Variants in LDB2 observed in about 807,000 individuals in gnomAD.
LDB2 encodes the protein LIM domain-binding protein 2.
In LDB2, 12 loss-of-function variants were observed where a neutral mutation model predicts 44.3. The observed-to-expected ratio is 0.27, with a 90% CI of 0.17 to 0.44. The LOEUF (loss-of-function observed/expected upper bound fraction) is 0.44. Among genes scored for constraint, LDB2 ranks in the 20% least tolerant of loss-of-function variants. LDB2 has a pLI of 1.00. For missense variants in LDB2, 344 were observed against 473.5 expected (o/e 0.73, Z 2.54); for synonymous variants, 164 against 174.8 (o/e 0.94, Z 0.49).
chr4:16,692,495 G>A (rs1159876050), intron 2 of LDB2, among the ~76,000 whole-genome samples: 1 of 152,094 alleles, frequency 6.6e-6, no homozygotes, highest in Non-Finnish European at 1.5e-5. Flanking sequence ...CTGGTGCCCT[G>A]AACATGTAAT....
At position 16,533,160 on chromosome 4, in the gene LDB2, A is replaced by C. The variant is rs1295668438; in HGVS notation, c.616-21056T>G. On this transcript the variant is annotated intron_variant, in intron 5 of 7. Coordinates refer to ENST00000304523, the MANE Select transcript of LDB2 (RefSeq NM_001290.5). This position sits in a 1 kb window ranked among gnomAD's most constrained non-coding sequence, Gnocchi z 4.1. Reference sequence around the variant, plus strand: ...GCTTGTTACCCTAGATGGAAGAGTCACTGGCCTGAGCCTGAAGGAAACTAG... The same window carrying C: ...GCTTGTTACCCTAGATGGAAGAGTCCCTGGCCTGAGCCTGAAGGAAACTAG... Among the ~76,000 whole-genome samples, 2 of 152,158 alleles carry C rather than the reference A, an allele frequency of 1.3e-5. No individual in the cohort carries two copies. The highest frequency in any genetic ancestry group is 3.9e-4 in the East Asian group (2 of 5,188).
At chr4:16,829,533 C>T (rs1783682252) in intron 1 of LDB2, among the ~76,000 whole-genome samples, 2 of 152,030 alleles carry the variant, frequency 1.3e-5, no homozygotes, top group African/African-American at 4.8e-5. Context: ...TATAATAGAT[C>T]TGGGTTTGAA....
intron 1 of LDB2, among the ~76,000 whole-genome samples, chr4:16,857,524 T>C (rs1789593510): frequency 1.3e-5 from 2 of 152,162 alleles, no homozygotes; most frequent in Non-Finnish European, 2.9e-5. Flanking sequence ...ATCACAAGTG[T>C]TCACCACAGC....
intron 1 of LDB2, among the ~76,000 whole-genome samples, chr4:16,866,446 TAAATC>T (rs1561483942): frequency 6.6e-6 from 1 of 152,132 alleles, no homozygotes; most frequent in African/African-American, 2.4e-5. Context: ...ATCAAATAAA[TAAATC>T]AAAGAATTTT....
At chr4:16,640,092 G>C (rs1268311789) in intron 2 of LDB2, among the ~76,000 whole-genome samples, 3 of 152,142 alleles carry the variant, frequency 2.0e-5, no homozygotes, top group East Asian at 3.8e-4. Flanking sequence ...CTTTCTACAT[G>C]TTTGAAGCAC....
intron 1 of LDB2, among the ~76,000 whole-genome samples, chr4:16,804,255 T>C (rs886138458): frequency 1.3e-5 from 2 of 152,160 alleles, no homozygotes; most frequent in Non-Finnish European, 2.9e-5. Context: ...TAGGTACATA[T>C]TTTTATACAA....
At chr4:16,569,656 A>G (rs918656469) in intron 5 of LDB2, among the ~76,000 whole-genome samples, 1 of 152,128 alleles carries the variant, frequency 6.6e-6, no homozygotes, top group Non-Finnish European at 1.5e-5. Flanking sequence ...GTCAGCCTCC[A>G]TCCCTCCATC....
In LDB2 at chr4:16,588,829, A is replaced by G. The variant is rs373557534; in HGVS notation, c.412T>C (p.Cys138Arg). ...TCCAAGATCAGTCTGCCTTCTGTAC[A>G]TACCTGGAAGTGACAAACCACACAG... is the stretch of plus-strand genomic sequence containing the variant. ...QHGKPMFTKV[C>R]TEGRLILEFT... The change falls in exon 4 of 8, where the codon TGT (cysteine) becomes CGT (arginine). Residue 138 changes from cysteine to arginine, a missense_variant. Transcript: ENST00000304523. 10 of 1,613,112 alleles carry G rather than the reference A, an allele frequency of 6.2e-6. No homozygotes were observed. The highest frequency in any genetic ancestry group is 1.3e-5 in the African/African-American group (1 of 74,888).
intron 5 of LDB2, among the ~76,000 whole-genome samples, chr4:16,545,383 G>A (rs761549092): frequency 5.9e-5 from 9 of 152,108 alleles, no homozygotes; most frequent in Non-Finnish European, 8.8e-5. Flanking sequence ...TAATCTAACC[G>A]CAAAATGCAT....
chr4:16,711,875 C>T (rs1415240480), intron 2 of LDB2, among the ~76,000 whole-genome samples: 1 of 152,198 alleles, frequency 6.6e-6, no homozygotes, highest in Non-Finnish European at 1.5e-5. Flanking sequence ...GCTGAGATAA[C>T]TGGCTGTCCA....
chr4:16,678,709 T>C (rs1746970873), intron 2 of LDB2, among the ~76,000 whole-genome samples: 3 of 152,208 alleles, frequency 2.0e-5, no homozygotes, highest in Admixed American at 2.0e-4. Flanking sequence ...CTCTTCTCCA[T>C]ACATCTTGAT....
chr4:16,870,402 C>A (rs546053031), intron 1 of LDB2, among the ~76,000 whole-genome samples: 1 of 152,194 alleles, frequency 6.6e-6, no homozygotes, highest in South Asian at 2.1e-4. Flanking sequence ...GGGGAAGTGG[C>A]TCTTAAAAAT....
chr4:16,766,507 TA>T lies in LDB2; in HGVS notation c.133-7248del, dbSNP rs1464836344. On this transcript the variant is annotated intron_variant, in intron 1 of 7. Coordinates refer to ENST00000304523, the MANE Select transcript of LDB2 (RefSeq NM_001290.5). ...GTGTGTGTGTGTGTGTGTGTGTGTA[TA>T]TATTTTTTTTTTTTTGAGACAGAAT... Among the ~76,000 whole-genome samples the T allele has an allele frequency of 5.9e-3, 372 of 63,054 alleles. 7 individuals carry two copies. Among genetic ancestry groups the T allele is most frequent in the Middle Eastern group, 0.016 (1 of 62 alleles). The allele number at this position is 63,054 out of a possible 152,430, so 41.4% of individuals were successfully genotyped here. A position where few individuals can be genotyped will look rare whatever the true frequency, so the allele number is the denominator to read the frequency against.
chr4:16,594,575 A>G lies in LDB2; in HGVS notation c.408+1128T>C, dbSNP rs536682904. ...TGATGATTTGTTTTTGCATTTTACA[A>G]CCATTTCCTTTGCCTTTGGTTTCGT... On this transcript the variant is annotated intron_variant, in intron 3 of 7. Transcript: ENST00000304523. Among the ~76,000 whole-genome samples the G allele has an allele frequency of 4.6e-5, 7 of 152,340 alleles. No homozygotes were observed. The East Asian group carries it at 1.3e-3, about 29-fold the overall frequency.
intron 1 of LDB2, among the ~76,000 whole-genome samples, chr4:16,804,256 T>C (rs1778376327): frequency 6.6e-6 from 1 of 152,142 alleles, no homozygotes; most frequent in South Asian, 2.1e-4. Flanking sequence ...AGGTACATAT[T>C]TTTATACAAT....
At chr4:16,856,884 C>T (rs1248971656) in intron 1 of LDB2, among the ~76,000 whole-genome samples, 1 of 152,164 alleles carries the variant, frequency 6.6e-6, no homozygotes, top group Admixed American at 6.5e-5. Context: ...TTATTTTGTA[C>T]AGCAAAATTA....
chr4:16,755,618 C>T (rs1766467468), intron 2 of LDB2, among the ~76,000 whole-genome samples: 1 of 151,722 alleles, frequency 6.6e-6, no homozygotes, highest in Non-Finnish European at 1.5e-5. Context: ...ACCTGTGGGG[C>T]ACCCACCTAA....
intron 2 of LDB2, chr4:16,726,201 A>G (rs1486877696): frequency 6.6e-6 from 1 of 152,148 alleles, no homozygotes; most frequent in East Asian, 1.9e-4. Context: ...ACATGCTACT[A>G]ACAATGCATG....
chr4:16,595,686 CAG>C lies in LDB2; in HGVS notation c.408+15_408+16del. On this transcript the variant is annotated intron_variant, in intron 3 of 7. Transcript: ENST00000304523. ...AGAGTAGGAAAAGCCGGGCATGTGA[CAG>C]AGCCTGTCCTGTACCTTGGTAAACA... 6.2e-7 allele frequency: 1 copy of C among 1,605,852 alleles called. No individual in the cohort carries two copies. The highest frequency in any genetic ancestry group is 8.5e-7 in the Non-Finnish European group (1 of 1,176,128).
Sources: gnomAD v4.1 joint callset for allele counts (sites outside exome capture counted in the v4.1 genomes callset) on GRCh38, gnomAD v4.1.1 for gene constraint, Gnocchi (gnomAD v3.1) non-coding constraint, MANE v1.5 for transcripts, NCBI Gene and HGNC (gene_info 2026-07-23, HGNC 2026-07-21) for gene names.